Variants in PCDHGA10 observed in about 807,000 individuals in gnomAD.
The protein encoded by PCDHGA10 is protocadherin gamma subfamily A, 10, also known as protocadherin gamma-A10.
In PCDHGA10, 42 loss-of-function variants were observed where a neutral mutation model predicts 59.5. That is an observed-to-expected ratio of 0.71 (90% CI 0.55 to 0.91). The LOEUF (loss-of-function observed/expected upper bound fraction) is 0.91. Among genes scored for constraint, PCDHGA10 ranks in the 40% least tolerant of loss-of-function variants. The pLI, the probability that PCDHGA10 is intolerant of heterozygous loss-of-function variation, is 0.00. For synonymous variants in PCDHGA10, 511 were observed against 517.2 expected (o/e 0.99, Z 0.16); for missense variants, 1,111 against 1,198.2 (o/e 0.93, Z 1.07).
At chr5:141,433,123 C>T (rs575738328) in intron 1 of PCDHGA10, 5 of 1,614,116 alleles carry the variant, frequency 3.1e-6, no homozygotes, top group African/African-American at 2.7e-5. Context: ...TTGAAAAAAG[C>T]GAGCCCCTTT....
Position 141,489,652 on chromosome 5 carries a change from C to T in PCDHGA10, c.2437-5155C>T, listed in dbSNP as rs767143028. The T allele has an allele frequency of 3.1e-6, 5 of 1,614,024 alleles. No individual in the cohort carries two copies. Among genetic ancestry groups the T allele is most frequent in the Non-Finnish European group, 4.2e-6 (5 of 1,180,026 alleles). ...CTCTCCTAGCTTTGCCACCCCTGAG[C>T]GAGAGATGCGCATCTCAGAATCAGC... On this transcript the variant is annotated intron_variant, in intron 1 of 3. Coordinates refer to ENST00000398610, the MANE Select transcript of PCDHGA10 (RefSeq NM_018913.3). The surrounding 1 kb of genome is among the most constrained non-coding windows in gnomAD (Gnocchi z 4.5).
intron 1 of PCDHGA10, among the ~76,000 whole-genome samples, chr5:141,462,086 A>G (rs993185274): frequency 6.6e-6 from 1 of 151,408 alleles, no homozygotes; most frequent in Non-Finnish European, 1.5e-5. Flanking sequence ...GCCTCCCAAA[A>G]TGCTGGGATT....
At chr5:141,455,186 C>T (rs1436215310) in intron 1 of PCDHGA10, among the ~76,000 whole-genome samples, 3 of 151,542 alleles carry the variant, frequency 2.0e-5, no homozygotes, top group Non-Finnish European at 2.9e-5. Context: ...TTTTATTTCT[C>T]TACAAATTTA....
chr5:141,499,551 A>T (rs1178321389), intron 2 of PCDHGA10, among the ~76,000 whole-genome samples: 1 of 152,200 alleles, frequency 6.6e-6, no homozygotes, highest in Non-Finnish European at 1.5e-5. Flanking sequence ...AACCTGTATG[A>T]TACCACTATC....
Position 141,489,065 on chromosome 5 carries a change from C to T in PCDHGA10, c.2437-5742C>T, listed in dbSNP as rs558074504. On this transcript the variant is annotated intron_variant, in intron 1 of 3. Coordinates refer to ENST00000398610, the MANE Select transcript of PCDHGA10 (RefSeq NM_018913.3). This position sits in a 1 kb window ranked among gnomAD's most constrained non-coding sequence, Gnocchi z 4.5. ...CCACTCAAATTCAGCTCCCCTCCCC[C>T]CTGCCCACCCCCGCCACTCGGTGAC... 3.3e-5 allele frequency: 13 copies of T among 388,932 alleles called. 1 individual carries two copies. Among genetic ancestry groups the T allele is most frequent in the African/African-American group, 8.5e-5 (4 of 47,158 alleles). 24.1% of individuals were successfully genotyped at this position (388,932 alleles called of 1,614,324 possible).
chr5:141,486,884 C>G lies in PCDHGA10; in HGVS notation c.2437-7923C>G, dbSNP rs1272694679. On this transcript the variant is annotated intron_variant, in intron 1 of 3. Transcript: ENST00000398610. The surrounding 1 kb of genome is among the most constrained non-coding windows in gnomAD (Gnocchi z 5.0). ...TCCAGCTGTGCTCCGTCCTCGGGCC[C>G]GGCCTGGTTCCTTATGTCCCCAAGC... The G allele has an allele frequency of 6.2e-7, 1 of 1,614,224 alleles. No homozygotes were observed. The highest frequency in any genetic ancestry group is 8.5e-7 in the Non-Finnish European group (1 of 1,180,046).
chr5:141,510,194 G>A (rs920127442), intron 3 of PCDHGA10, among the ~76,000 whole-genome samples: 1 of 151,462 alleles, frequency 6.6e-6, no homozygotes, highest in Non-Finnish European at 1.5e-5. Context: ...AATCACTTGA[G>A]CCCAGGAGGC....
intron 1 of PCDHGA10, among the ~76,000 whole-genome samples, chr5:141,452,416 C>T (rs2098741061): frequency 6.6e-6 from 1 of 152,144 alleles, no homozygotes; most frequent in African/African-American, 2.4e-5. Context: ...GAGGTATGCT[C>T]ACTGCTAATG....
chr5:141,456,888 G>A (rs376401806), intron 1 of PCDHGA10, among the ~76,000 whole-genome samples: 5 of 152,118 alleles, frequency 3.3e-5, no homozygotes, highest in Admixed American at 1.3e-4. Context: ...GCTTGAACCC[G>A]GGAGGCAGAG....
At position 141,477,160 on chromosome 5, in the gene PCDHGA10, C is replaced by G. The variant is rs768436526; in HGVS notation, c.2437-17647C>G. 2 of 1,614,186 alleles carry G rather than the reference C, an allele frequency of 1.2e-6. No homozygotes were observed. Among genetic ancestry groups the G allele is most frequent in the Admixed American group, 1.7e-5 (1 of 60,020 alleles). On this transcript the variant is annotated intron_variant, in intron 1 of 3. Transcript: ENST00000398610. The surrounding 1 kb of genome is among the most constrained non-coding windows in gnomAD (Gnocchi z 4.9). ...TGGAGGTTGTGGATGTGAATGACAA[C>G]GCCCCGGAGATCACAGTCACCTCCG...
chr5:141,488,885 T>C (rs1401230063), intron 1 of PCDHGA10, among the ~76,000 whole-genome samples: 1 of 152,194 alleles, frequency 6.6e-6, no homozygotes, highest in Admixed American at 6.5e-5. Flanking sequence ...GAAGCTTCTG[T>C]GACACAGATT....
In PCDHGA10 at chr5:141,414,446, T is replaced by C; in HGVS notation, c.1271T>C (p.Ile424Thr). The C allele has an allele frequency of 6.2e-7, 1 of 1,613,864 alleles. No individual in the cohort carries two copies. Among genetic ancestry groups the C allele is most frequent in the Non-Finnish European group, 8.5e-7 (1 of 1,179,854 alleles). The change falls in exon 1 of 4, where the codon ATC (isoleucine) becomes ACC (threonine). Residue 424 changes from isoleucine to threonine, a missense_variant. Transcript: ENST00000398610. ...AGGGAACAGGTATCCTCTTACAATA[T>C]CACAGTGACAGCCACAGATGGGGGA... Reference protein sequence around the residue: ...LDREQVSSYNITVTATDGGSP... With the variant: ...LDREQVSSYNTTVTATDGGSP...
chr5:141,487,004 C>G lies in PCDHGA10; in HGVS notation c.2437-7803C>G. 1 of 1,614,224 alleles carries G rather than the reference C, an allele frequency of 6.2e-7. No homozygotes were observed. The highest frequency in any genetic ancestry group is 1.1e-5 in the South Asian group (1 of 91,086). On this transcript the variant is annotated intron_variant, in intron 1 of 3. Transcript: ENST00000398610. This position sits in a 1 kb window ranked among gnomAD's most constrained non-coding sequence, Gnocchi z 5.0. ...CAATGCTTGGGTTTCCTATCAGCTC[C>G]TGGAGGCCCCAGATCCCAGCCTGTT...
chr5:141,420,036 G>C, intron 1 of PCDHGA10: 1 of 1,614,078 alleles, frequency 6.2e-7, no homozygotes. Context: ...GCAGGAGACT[G>C]CTTTGAGTCA....
At chr5:141,502,118 G>A (rs897244225) in intron 2 of PCDHGA10, among the ~76,000 whole-genome samples, 3 of 152,108 alleles carry the variant, frequency 2.0e-5, no homozygotes, top group African/African-American at 7.2e-5. Context: ...CCTCAGCCAG[G>A]CCCACAGAGC....
chr5:141,483,350 G>C (rs2099580423), intron 1 of PCDHGA10, among the ~76,000 whole-genome samples: 4 of 152,172 alleles, frequency 2.6e-5, no homozygotes, highest in Admixed American at 1.3e-4. Flanking sequence ...CTTTGCAATA[G>C]TTTGAAAGCT....
chr5:141,485,033 T>C lies in PCDHGA10; in HGVS notation c.2437-9774T>C. 1 of 689,352 alleles carries C rather than the reference T, an allele frequency of 1.5e-6. No homozygotes were observed. The highest frequency in any genetic ancestry group is 2.5e-6 in the Non-Finnish European group (1 of 392,590). The allele number at this position is 689,352 out of a possible 1,614,324, so 42.7% of individuals were successfully genotyped here. On this transcript the variant is annotated intron_variant, in intron 1 of 3. Coordinates refer to ENST00000398610, the MANE Select transcript of PCDHGA10 (RefSeq NM_018913.3). This position sits in a 1 kb window ranked among gnomAD's most constrained non-coding sequence, Gnocchi z 5.7. ...CCCCGCCACCAGCAAAAACGGCGCG[T>C]AACCCTTGCGGCGCCGGCCGAACCG...
chr5:141,450,092 C>T (rs761677942), intron 1 of PCDHGA10, among the ~76,000 whole-genome samples: 2 of 148,672 alleles, frequency 1.3e-5, no homozygotes, highest in Non-Finnish European at 3.0e-5. Flanking sequence ...CTGCAACCTC[C>T]GCCTCCCAGG....
At position 141,432,458 on chromosome 5, in the gene PCDHGA10, C is replaced by T. The variant is rs1368524835; in HGVS notation, c.2436+16847C>T. 1.9e-6 allele frequency: 3 copies of T among 1,614,136 alleles called. No individual in the cohort carries two copies. The highest frequency in any genetic ancestry group is 8.5e-7 in the Non-Finnish European group (1 of 1,180,066). ...TGCGCCCGAGATCCTGTACCCCGCC[C>T]TCCCCACGGACGGTTCCACTGGCGT... On this transcript the variant is annotated intron_variant, in intron 1 of 3. Transcript: ENST00000398610. This position sits in a 1 kb window ranked among gnomAD's most constrained non-coding sequence, Gnocchi z 6.0.
Sources: allele counts gnomAD v4.1 joint callset (sites outside exome capture counted in the v4.1 genomes callset), GRCh38; gene constraint gnomAD v4.1.1; non-coding constraint Gnocchi (gnomAD v3.1); transcripts MANE v1.5; gene names NCBI Gene and HGNC (gene_info 2026-07-23, HGNC 2026-07-21).